KIRREL1: variants seen among roughly 807,000 people sequenced by gnomAD.
KIRREL1 encodes kin of IRRE-like protein 1.
KIRREL1 carries 25 observed loss-of-function variants against 83.3 expected under a neutral mutation model. That is an observed-to-expected ratio of 0.30 (90% confidence interval 0.22 to 0.42). KIRREL1 has a LOEUF of 0.42. Ranked by LOEUF, KIRREL1 falls within the 10% of genes least tolerant of loss-of-function variation. The pLI is 1.00. For missense variants in KIRREL1, 812 were observed against 1,032.3 expected, an observed-to-expected ratio of 0.79 and a Z score of 2.92; for synonymous variants, 388 against 410.4, an observed-to-expected ratio of 0.95 and a Z score of 0.66.
chr1:158,040,709 C>T (rs574542276), intron 1 of KIRREL1, among the ~76,000 whole-genome samples: 1 of 152,162 alleles, frequency 6.6e-6, no homozygotes, highest in African/African-American at 2.4e-5. Flanking sequence ...TGGGAACAGG[C>T]ATTTCCTTAA....
chr1:158,015,066 T>C (rs983493553), intron 1 of KIRREL1, among the ~76,000 whole-genome samples: 2 of 152,154 alleles, frequency 1.3e-5, no homozygotes, highest in African/African-American at 4.8e-5. Flanking sequence ...TTTTTTTTAT[T>C]GCCAAAGTAC....
chr1:157,998,614 A>C (rs1659268178), intron 1 of KIRREL1, among the ~76,000 whole-genome samples: 1 of 152,214 alleles, frequency 6.6e-6, no homozygotes, highest in Non-Finnish European at 1.5e-5. Flanking sequence ...TACAGAGGCA[A>C]AAGAAGCACT....
At chr1:158,049,105 G>A (rs1570950491) in intron 1 of KIRREL1, among the ~76,000 whole-genome samples, 1 of 152,210 alleles carries the variant, frequency 6.6e-6, no homozygotes, top group Non-Finnish European at 1.5e-5. Flanking sequence ...ATTTGTAGAA[G>A]GTGGTGTGGG....
At chr1:158,077,889 C>A in intron 2 of KIRREL1, 102 bp from the exon 3 acceptor site, 2 of 1,322,618 alleles carry the variant, frequency 1.5e-6, no homozygotes, top group South Asian at 2.6e-5. Flanking sequence ...TCTCACCTGT[C>A]AGTGGTGTCC....
At chr1:158,063,101 T>C (rs1440678215) in intron 1 of KIRREL1, among the ~76,000 whole-genome samples, 2 of 152,252 alleles carry the variant, frequency 1.3e-5, no homozygotes, top group East Asian at 3.8e-4. Flanking sequence ...TCTCTGGCTG[T>C]CGAAATATTT....
At chr1:158,091,257 C>A in intron 10 of KIRREL1, 101 bp from the exon 11 acceptor site, 1 of 1,086,994 alleles carries the variant, frequency 9.2e-7, no homozygotes, top group Non-Finnish European at 1.3e-6. Context: ...ACACATGGCA[C>A]ATAGGGGTGA....
intron 1 of KIRREL1, among the ~76,000 whole-genome samples, chr1:158,027,854 A>C (rs973641238): frequency 6.6e-6 from 1 of 152,154 alleles, no homozygotes; most frequent in African/African-American, 2.4e-5. Flanking sequence ...CCCAGCAACA[A>C]ATTACTTCTT....
At chr1:158,084,997 C>T (rs1018188469) in intron 4 of KIRREL1, among the ~76,000 whole-genome samples, 1 of 152,148 alleles carries the variant, frequency 6.6e-6, no homozygotes, top group African/African-American at 2.4e-5. Context: ...TGGCACAGAG[C>T]GGGGGTTTGT....
chr1:158,091,234 G>A (rs1223065561), intron 10 of KIRREL1, 124 bp from the exon 11 acceptor site: 9 of 811,572 alleles, frequency 1.1e-5, no homozygotes, highest in African/African-American at 3.4e-5. Context: ...GTGTTAGGCT[G>A]GGCTTGTGGG....
At chr1:158,045,615 C>T (rs372703856) in intron 1 of KIRREL1, among the ~76,000 whole-genome samples, 2 of 152,214 alleles carry the variant, frequency 1.3e-5, no homozygotes, top group Non-Finnish European at 2.9e-5. Context: ...TTTCACCCAC[C>T]CTGCACATCA....
At chr1:158,010,189 G>T (rs912831005) in intron 1 of KIRREL1, among the ~76,000 whole-genome samples, 1 of 152,014 alleles carries the variant, frequency 6.6e-6, no homozygotes, top group Non-Finnish European at 1.5e-5. Context: ...CAAGGCCAGA[G>T]GTACTGATTT....
chr1:158,027,983 C>G (rs560781656), intron 1 of KIRREL1, among the ~76,000 whole-genome samples: 2 of 152,116 alleles, frequency 1.3e-5, no homozygotes, highest in African/African-American at 2.4e-5. Flanking sequence ...AAAAGACCCA[C>G]GCTCCCACCT....
chr1:158,072,313 C>T (rs941961897), intron 1 of KIRREL1, among the ~76,000 whole-genome samples: 1 of 152,052 alleles, frequency 6.6e-6, no homozygotes. Context: ...ACTGTGGACT[C>T]GGATTTGCTC....
At chr1:158,069,009 T>G (rs1661433161) in intron 1 of KIRREL1, among the ~76,000 whole-genome samples, 1 of 152,048 alleles carries the variant, frequency 6.6e-6, no homozygotes, top group East Asian at 1.9e-4. Flanking sequence ...GTTTGATAAA[T>G]CCGGGGAGAC....
At chr1:158,011,080 A>G (rs1388011693) in intron 1 of KIRREL1, among the ~76,000 whole-genome samples, 2 of 152,178 alleles carry the variant, frequency 1.3e-5, no homozygotes, top group African/African-American at 4.8e-5. Context: ...GCAAAGACCG[A>G]CAGCCTTCCT....
intron 1 of KIRREL1, among the ~76,000 whole-genome samples, chr1:158,010,800 A>G (rs1265213667): frequency 3.3e-5 from 5 of 152,052 alleles, no homozygotes; most frequent in Non-Finnish European, 5.9e-5. Context: ...ACTGGTGTGT[A>G]CTGGGAATCA....
intron 1 of KIRREL1, among the ~76,000 whole-genome samples, chr1:158,050,191 A>C (rs1483578912): frequency 6.6e-6 from 1 of 152,134 alleles, no homozygotes; most frequent in Admixed American, 6.5e-5. Flanking sequence ...GCACTTCTGA[A>C]GTCCCAGGTG....
At chr1:158,045,632 G>C (rs375946647) in intron 1 of KIRREL1, among the ~76,000 whole-genome samples, 3 of 152,192 alleles carry the variant, frequency 2.0e-5, no homozygotes, top group South Asian at 2.1e-4. Context: ...ATCAATGTGT[G>C]TACCAACCAG....
chr1:158,017,086 C>A (rs921371761), intron 1 of KIRREL1, among the ~76,000 whole-genome samples: 1 of 152,218 alleles, frequency 6.6e-6, no homozygotes, highest in African/African-American at 2.4e-5. Context: ...CTGTTAGGTG[C>A]TCTGGATGTG....
Sources: allele counts gnomAD v4.1 joint callset (sites outside exome capture counted in the v4.1 genomes callset), GRCh38; gene constraint gnomAD v4.1.1; transcripts MANE v1.5; gene names NCBI Gene and HGNC (gene_info 2026-07-23, HGNC 2026-07-21).